The following ARHGEF38 variants were observed in gnomAD, a reference collection of about 807,000 sequenced individuals.
ARHGEF38 encodes the protein Rho guanine nucleotide exchange factor 38.
ARHGEF38 carries 79 observed loss-of-function variants against 79.9 expected under a neutral mutation model. That is an observed-to-expected ratio of 0.99 (90% confidence interval 0.82 to 1.19). The LOEUF (loss-of-function observed/expected upper bound fraction) is 1.19. Among genes scored for constraint, ARHGEF38 ranks in the 50% most tolerant of loss-of-function variants. The pLI is 0.00. For synonymous variants in ARHGEF38, 366 were observed against 328.3 expected, an observed-to-expected ratio of 1.11 and a Z score of -1.24; for missense variants, 962 against 907.2, an observed-to-expected ratio of 1.06 and a Z score of -0.78.
intron 1 of ARHGEF38, among the ~76,000 whole-genome samples, chr4:105,577,375 G>T (rs1726557405): frequency 6.6e-6 from 1 of 150,652 alleles, no homozygotes; most frequent in South Asian, 2.1e-4. Flanking sequence ...TCTTGCGATA[G>T]TCTTTTTTTA....
chr4:105,632,168 A>AT (rs534141836), intron 4 of ARHGEF38, among the ~76,000 whole-genome samples: 4 of 150,886 alleles, frequency 2.7e-5, no homozygotes, highest in South Asian at 2.1e-4. Flanking sequence ...AGCCCAGTGA[A>AT]TTTTTTTTTT....
At position 105,604,365 on chromosome 4, in the gene ARHGEF38, G is replaced by A. The variant is rs17035933; in HGVS notation, c.385-9019G>A. Among the ~76,000 whole-genome samples the A allele has an allele frequency of 2.3e-3, 357 of 152,256 alleles. 7 individuals are homozygous for A. The East Asian group carries it at 0.057, about 24-fold the overall frequency. On this transcript the variant is annotated intron_variant, in intron 2 of 13. Transcript: ENST00000420470. ...GTTCTATGTTGTACCAGTTTCGTCC[G>A]TAATTCCTGTGTTACTACTCAAGTC...
chr4:105,568,881 T>C (rs1040920827), intron 1 of ARHGEF38, among the ~76,000 whole-genome samples: 1 of 152,182 alleles, frequency 6.6e-6, no homozygotes, highest in Non-Finnish European at 1.5e-5. Flanking sequence ...TCCTGAAAAT[T>C]ATTTTTAGGG....
At chr4:105,553,469 G>C (rs1363484134) in intron 1 of ARHGEF38, among the ~76,000 whole-genome samples, 1 of 152,010 alleles carries the variant, frequency 6.6e-6, no homozygotes, top group Non-Finnish European at 1.5e-5. Context: ...TCAGAGAGAC[G>C]GTATAAAAAG....
At chr4:105,663,692 G>A (rs1426449398) in intron 10 of ARHGEF38, among the ~76,000 whole-genome samples, 1 of 152,182 alleles carries the variant, frequency 6.6e-6, no homozygotes, top group African/African-American at 2.4e-5. Context: ...ATTTTGGGCT[G>A]GATGTGGTGG....
intron 2 of ARHGEF38, among the ~76,000 whole-genome samples, chr4:105,596,332 C>T (rs566353712): frequency 6.6e-6 from 1 of 152,132 alleles, no homozygotes; most frequent in Non-Finnish European, 1.5e-5. Flanking sequence ...GGAAGGCACT[C>T]CAGGGCTCAG....
chr4:105,569,090 G>T (rs180721053), intron 1 of ARHGEF38, among the ~76,000 whole-genome samples: 1 of 152,218 alleles, frequency 6.6e-6, no homozygotes, highest in Admixed American at 6.5e-5. Flanking sequence ...CAATGACTTA[G>T]AATTTTACAA....
intron 3 of ARHGEF38, among the ~76,000 whole-genome samples, chr4:105,620,627 G>A (rs966159191): frequency 6.6e-6 from 1 of 152,196 alleles, no homozygotes; most frequent in Admixed American, 6.5e-5. Context: ...TGCTGGATGT[G>A]TGTGATTTCT....
chr4:105,566,666 T>G (rs1725927620), intron 1 of ARHGEF38, among the ~76,000 whole-genome samples: 1 of 152,156 alleles, frequency 6.6e-6, no homozygotes, highest in Admixed American at 6.5e-5. Context: ...TACTTATTAT[T>G]TCTAACTATG....
chr4:105,575,980 G>C (rs1217335735), intron 1 of ARHGEF38, among the ~76,000 whole-genome samples: 7 of 151,920 alleles, frequency 4.6e-5, no homozygotes, highest in Non-Finnish European at 7.4e-5. Flanking sequence ...TTTATTTCTG[G>C]GTTCTCTATT....
At chr4:105,598,316 A>G (rs1350719289) in intron 2 of ARHGEF38, among the ~76,000 whole-genome samples, 2 of 152,184 alleles carry the variant, frequency 1.3e-5, no homozygotes, top group African/African-American at 4.8e-5. Context: ...TAGTGAGTAC[A>G]GATATCCAAA....
At position 105,561,405 on chromosome 4, in the gene ARHGEF38, G is replaced by GAA. The variant is rs1725531784; in HGVS notation, c.196+8445_196+8446dup. Reference sequence around the variant, plus strand: ...GTCTCAAAAATAGAGTAGAATAATAGAATAGAATAGAATAGAATGGAATAG... The same window carrying GAA: ...GTCTCAAAAATAGAGTAGAATAATAGAAAATAGAATAGAATAGAATGGAATAG... On this transcript the variant is annotated intron_variant, in intron 1 of 13. Transcript: ENST00000420470. Among the ~76,000 whole-genome samples, 17 of 29,594 alleles carry GAA rather than the reference G, an allele frequency of 5.7e-4. 2 individuals carry two copies. The highest frequency in any genetic ancestry group is 2.2e-3 in the African/African-American group (17 of 7,558). The allele number at this position is 29,594 out of a possible 152,430, so 19.4% of individuals were successfully genotyped here.
intron 9 of ARHGEF38, among the ~76,000 whole-genome samples, chr4:105,656,064 C>CT (rs1489732114): frequency 1.3e-5 from 2 of 151,760 alleles, no homozygotes; most frequent in East Asian, 3.9e-4. Flanking sequence ...TTTCTTTTTT[C>CT]TTTTTTCTGG....
intron 2 of ARHGEF38, among the ~76,000 whole-genome samples, chr4:105,599,883 T>C (rs1727749763): frequency 6.6e-6 from 1 of 152,194 alleles, no homozygotes. Context: ...AAACACATTT[T>C]TGTGTCATCA....
chr4:105,569,345 C>A (rs1726101387), intron 1 of ARHGEF38, among the ~76,000 whole-genome samples: 3 of 152,164 alleles, frequency 2.0e-5, no homozygotes, highest in Non-Finnish European at 4.4e-5. Context: ...GCACATTAGG[C>A]CTGGTGTTGA....
intron 7 of ARHGEF38, among the ~76,000 whole-genome samples, chr4:105,649,054 C>G (rs1408099671): frequency 6.6e-6 from 1 of 152,120 alleles, no homozygotes; most frequent in Non-Finnish European, 1.5e-5. Flanking sequence ...TCCTGTTTTA[C>G]TTCTGCTCTT....
intron 3 of ARHGEF38, among the ~76,000 whole-genome samples, chr4:105,621,878 G>C (rs1728748475): frequency 6.6e-6 from 1 of 152,184 alleles, no homozygotes; most frequent in Non-Finnish European, 1.5e-5. Context: ...GGGACACCCA[G>C]ATGCAACAGT....
At chr4:105,648,724 A>T in intron 7 of ARHGEF38, 42 bp downstream of exon 7, 7 of 1,469,938 alleles carry the variant, frequency 4.8e-6, no homozygotes, top group Non-Finnish European at 6.3e-6. Flanking sequence ...CCCAGGGAAC[A>T]TGAATGCAGA....
intron 3 of ARHGEF38, among the ~76,000 whole-genome samples, chr4:105,622,598 T>A (rs1297049274): frequency 2.0e-5 from 3 of 152,180 alleles, no homozygotes; most frequent in Non-Finnish European, 4.4e-5. Context: ...AAAAAGGGGT[T>A]TATTTTTCTC....
Sources: gnomAD v4.1 joint callset for allele counts (sites outside exome capture counted in the v4.1 genomes callset) on GRCh38, gnomAD v4.1.1 for gene constraint, MANE v1.5 for transcripts, NCBI Gene and HGNC (gene_info 2026-07-23, HGNC 2026-07-21) for gene names.